CLVS1: variants seen among roughly 807,000 people sequenced by gnomAD.
The protein encoded by CLVS1 is clavesin 1.
In CLVS1, 10 loss-of-function variants were observed where a neutral mutation model predicts 33.1. The observed-to-expected ratio is 0.30, with a 90% CI of 0.19 to 0.51. The LOEUF is 0.51. Among genes scored for constraint, CLVS1 ranks in the 20% least tolerant of loss-of-function variants. The pLI is 0.97. For synonymous variants in CLVS1, 163 were observed against 166.1 expected, an observed-to-expected ratio of 0.98 and a Z score of 0.14; for missense variants, 343 against 433.4, an observed-to-expected ratio of 0.79 and a Z score of 1.85.
intron 2 of CLVS1, among the ~76,000 whole-genome samples, chr8:61,358,608 C>T (rs572688205): frequency 2.0e-5 from 3 of 150,082 alleles, no homozygotes; most frequent in African/African-American, 5.1e-5. Flanking sequence ...TAAATTAAAA[C>T]AAACAAACAA....
chr8:61,384,024 G>T (rs1813987375), intron 3 of CLVS1, among the ~76,000 whole-genome samples: 2 of 152,338 alleles, frequency 1.3e-5, no homozygotes, highest in South Asian at 2.1e-4. Flanking sequence ...ATCCAATCTA[G>T]CCATGTGGAG....
At chr8:61,005,505 A>G in the CLVS1 span, among the ~76,000 whole-genome samples, 1 of 152,078 alleles carries the variant, frequency 6.6e-6, no homozygotes, top group African/African-American at 2.4e-5. Context: ...GAAAAGAAAA[A>G]AAAGCCCCCA....
At chr8:61,165,006 T>C (rs1806828486) in intron 2 of CLVS1, among the ~76,000 whole-genome samples, 1 of 152,228 alleles carries the variant, frequency 6.6e-6, no homozygotes, top group African/African-American at 2.4e-5. Flanking sequence ...AATGGAATCT[T>C]GGGCCATGCA....
chr8:61,153,820 T>C (rs1040088476), intron 2 of CLVS1, among the ~76,000 whole-genome samples: 3 of 152,088 alleles, frequency 2.0e-5, no homozygotes, highest in Admixed American at 6.6e-5. Context: ...CTCAGGGATA[T>C]TGGAGGAAGG....
chr8:61,279,321 C>T (rs1417678121), intron 2 of CLVS1, among the ~76,000 whole-genome samples: 3 of 152,116 alleles, frequency 2.0e-5, no homozygotes, highest in African/African-American at 4.8e-5. Context: ...CTCATCTCTC[C>T]CAAGTCTTCA....
At chr8:61,359,810 C>T (rs1812897743) in intron 2 of CLVS1, among the ~76,000 whole-genome samples, 1 of 152,110 alleles carries the variant, frequency 6.6e-6, no homozygotes, top group Non-Finnish European at 1.5e-5. Context: ...TCCTTTTCCC[C>T]AATTAGATGT....
chr8:61,107,536 C>A (rs996212842), intron 1 of CLVS1, among the ~76,000 whole-genome samples: 1 of 152,152 alleles, frequency 6.6e-6, no homozygotes, highest in Non-Finnish European at 1.5e-5. Context: ...GAGGGTGGAG[C>A]CCCCATGACC....
chr8:61,471,567 C>G (rs1563568009), intron 5 of CLVS1, among the ~76,000 whole-genome samples: 1 of 152,130 alleles, frequency 6.6e-6, no homozygotes, highest in Admixed American at 6.6e-5. Flanking sequence ...GGCTTTTGTA[C>G]CCTTGGAGCC....
chr8:61,030,761 G>A, the CLVS1 span, among the ~76,000 whole-genome samples: 5 of 152,276 alleles, frequency 3.3e-5, no homozygotes, highest in Admixed American at 2.6e-4. Flanking sequence ...CTAAAAGGAT[G>A]ACTTTTTTAC....
the CLVS1 span, among the ~76,000 whole-genome samples, chr8:61,025,087 G>C: frequency 6.6e-6 from 1 of 152,128 alleles, no homozygotes; most frequent in Admixed American, 6.5e-5. Flanking sequence ...GACCTCAGGT[G>C]ATACTCCTGC....
intron 2 of CLVS1, among the ~76,000 whole-genome samples, chr8:61,139,953 G>A (rs914269740): frequency 3.9e-5 from 6 of 152,150 alleles, no homozygotes; most frequent in African/African-American, 9.7e-5. Flanking sequence ...CCTCCACACT[G>A]TGGAGGCTGA....
intron 3 of CLVS1, among the ~76,000 whole-genome samples, chr8:61,435,854 G>A (rs1816313042): frequency 6.6e-6 from 1 of 152,002 alleles, no homozygotes; most frequent in Admixed American, 6.6e-5. Flanking sequence ...AATTACTCAG[G>A]ATTGGCAAGT....
chr8:61,147,106 A>G (rs1806436580), intron 2 of CLVS1, among the ~76,000 whole-genome samples: 1 of 152,190 alleles, frequency 6.6e-6, no homozygotes, highest in African/African-American at 2.4e-5. Context: ...TCCCCTTTAT[A>G]AGATGGAGAG....
intron 2 of CLVS1, among the ~76,000 whole-genome samples, chr8:61,278,691 C>T (rs1809610988): frequency 6.6e-6 from 1 of 152,172 alleles, no homozygotes; most frequent in South Asian, 2.1e-4. Flanking sequence ...GAAACAGGAG[C>T]CTTGAAATAA....
intron 3 of CLVS1, among the ~76,000 whole-genome samples, chr8:61,405,045 C>G (rs1231801918): frequency 6.6e-6 from 1 of 152,210 alleles, no homozygotes; most frequent in Non-Finnish European, 1.5e-5. Flanking sequence ...CTGCTTGAGT[C>G]ACCAACAATG....
At chr8:61,290,711 C>T (rs903558691) in intron 1 of CLVS1, among the ~76,000 whole-genome samples, 1 of 152,224 alleles carries the variant, frequency 6.6e-6, no homozygotes, top group Non-Finnish European at 1.5e-5. Context: ...ATCTTCTCTA[C>T]TCTTCCTGTT....
chr8:61,236,660 C>T (rs2129313312), intron 2 of CLVS1, among the ~76,000 whole-genome samples: 1 of 152,310 alleles, frequency 6.6e-6, no homozygotes, highest in Middle Eastern at 3.4e-3. Context: ...ACCTGCTAGG[C>T]TCTTTAATAG....
intron 1 of CLVS1, among the ~76,000 whole-genome samples, chr8:61,106,637 T>C (rs989088809): frequency 3.3e-5 from 5 of 152,168 alleles, no homozygotes; most frequent in Non-Finnish European, 5.9e-5. Flanking sequence ...CTTTGGCAAG[T>C]TGACAAACAG....
chr8:61,193,329 T>C (rs937824854), intron 2 of CLVS1, among the ~76,000 whole-genome samples: 4 of 151,882 alleles, frequency 2.6e-5, no homozygotes, highest in Admixed American at 2.0e-4. Context: ...ATGAGAACAC[T>C]TGGACACAGG....
Sources: gnomAD v4.1 joint callset for allele counts (sites outside exome capture counted in the v4.1 genomes callset) on GRCh38, gnomAD v4.1.1 for gene constraint, MANE v1.5 for transcripts, NCBI Gene and HGNC (gene_info 2026-07-23, HGNC 2026-07-21) for gene names.